The following CPB1 variants were observed in gnomAD, a reference collection of about 807,000 sequenced individuals.
The protein encoded by CPB1 is carboxypeptidase B1, also known as carboxypeptidase B.
In CPB1, 53 loss-of-function variants were observed where a neutral mutation model predicts 51.4. That is an observed-to-expected ratio of 1.03 (90% CI 0.83 to 1.30). CPB1 has a LOEUF of 1.30. CPB1 is among the 50% of genes most tolerant of loss of function. The pLI, the probability that CPB1 is intolerant of heterozygous loss-of-function variation, is 0.00. For missense variants in CPB1, 494 were observed against 516.2 expected (o/e 0.96, Z 0.42); for synonymous variants, 189 against 186.9 (o/e 1.01, Z -0.09).
rs200456954 is a variant in CPB1 at position 148,859,838 on chromosome 3, G to A, written c.1090G>A (p.Asp364Asn). The change falls in exon 11 of 11, where the codon GAC becomes AAC. Residue 364 changes from aspartate to asparagine, a missense_variant. Transcript: ENST00000282957. ...AGATCCTGCTGCTGGGGGCTCTGAC[G>A]ACTGGGCTTATGACCAAGGAATCAG... Reference protein sequence around the residue: ...TIYPAAGGSDDWAYDQGIRYS... With the variant: ...TIYPAAGGSDNWAYDQGIRYS... The A allele has an allele frequency of 1.5e-5, 25 of 1,613,470 alleles. No homozygotes were observed. The highest frequency in any genetic ancestry group is 1.7e-4 in the Middle Eastern group (1 of 6,038).
chr3:148,850,763 A>G (rs929960431), intron 9 of CPB1, among the ~76,000 whole-genome samples: 1 of 152,188 alleles, frequency 6.6e-6, no homozygotes, highest in Non-Finnish European at 1.5e-5. Context: ...CACATCACTC[A>G]TCACAGCTGT....
At chr3:148,853,730 G>A (rs1358411937) in intron 9 of CPB1, among the ~76,000 whole-genome samples, 2 of 152,154 alleles carry the variant, frequency 1.3e-5, no homozygotes, top group African/African-American at 4.8e-5. Context: ...AGTATTCCAA[G>A]GCCACAAGGA....
chr3:148,845,671 T>C, intron 9 of CPB1, 45 bp downstream of exon 9: 2 of 1,465,678 alleles, frequency 1.4e-6, no homozygotes, highest in South Asian at 1.2e-5. Flanking sequence ...ATTGAGATTT[T>C]TTAAATTCTA....
In CPB1 at chr3:148,840,678, C is replaced by T. The variant is rs147596566; in HGVS notation, c.273-8C>T. On this transcript the variant is annotated splice_polypyrimidine_tract_variant and splice_region_variant and intron_variant, in intron 3 of 10. Transcript: ENST00000282957. The stretch of plus-strand genomic sequence containing the variant: ...GTTCATAGGAACACCCACTTTGGTT[C>T]GTTGCAGGGTACTGATAAGCAACCT... 3.8e-5 allele frequency: 62 copies of T among 1,613,674 alleles called. No individual in the cohort carries two copies. The East Asian group carries it at 9.6e-4, about 25-fold the overall frequency.
At chr3:148,835,431 G>C (rs79435459) in intron 3 of CPB1, among the ~76,000 whole-genome samples, 5,262 of 152,188 alleles carry the variant, frequency 0.035, 152 homozygotes, top group Admixed American at 0.087. Context: ...CAAGTCTAGG[G>C]GTCAGGGAGG....
chr3:148,848,975 T>G (rs1433138996), intron 9 of CPB1, among the ~76,000 whole-genome samples: 1 of 152,224 alleles, frequency 6.6e-6, no homozygotes, highest in East Asian at 1.9e-4. Flanking sequence ...GAGCTTCTAA[T>G]GGCCTCATAA....
At chr3:148,854,040 C>T (rs1299777937) in intron 9 of CPB1, 1 of 152,212 alleles carries the variant, frequency 6.6e-6, no homozygotes, top group East Asian at 1.9e-4. Flanking sequence ...GAGTTCTCTG[C>T]TGTGTCGTTG....
At position 148,859,901 on chromosome 3, in the gene CPB1, T is replaced by TA; in HGVS notation, c.1154dup (p.Tyr385Ter). 6.2e-7 allele frequency: 1 copy of TA among 1,614,170 alleles called. No individual in the cohort carries two copies. Among genetic ancestry groups the TA allele is most frequent in the East Asian group, 2.2e-5 (1 of 44,886 alleles). ...FTFELRDTGR[Y>*]GFLLPESQIR... ...CTTTGAACTTCGAGATACAGGCAGA[T>TA]ATGGCTTTCTCCTTCCAGAATCCCA... is the stretch of plus-strand genomic sequence containing the variant. The change falls in exon 11 of 11, where the codon TAT becomes TAAT. Residue 385 changes from tyrosine (Y) to a stop codon, truncating the protein, a stop_gained and frameshift_variant. Transcript: ENST00000282957. LOFTEE classifies it high-confidence loss of function.
chr3:148,846,797 G>GTGTGTATATATA lies in CPB1; in HGVS notation c.981+1172_981+1173insGTGTATATATAT, dbSNP rs1364486523. 2.5e-3 allele frequency among the ~76,000 whole-genome samples: 124 copies of GTGTGTATATATA among 50,434 alleles called. 4 individuals carry two copies. The highest frequency in any genetic ancestry group is 3.9e-3 in the Non-Finnish European group (92 of 23,368). 33.1% of individuals were successfully genotyped at this position (50,434 alleles called of 152,430 possible). ...CACATATATATGTGTGTGTGCGTGTGTATATATATATATATATATATATAT... is the reference window on the plus strand; with the variant it reads ...CACATATATATGTGTGTGTGCGTGTGTGTGTATATATATATATATATATATATATATATATAT... On this transcript the variant is annotated intron_variant, in intron 9 of 10. Transcript: ENST00000282957.
At chr3:148,831,445 T>C (rs1712734494) in intron 2 of CPB1, among the ~76,000 whole-genome samples, 1 of 152,196 alleles carries the variant, frequency 6.6e-6, no homozygotes. Context: ...TACAGTCAAA[T>C]GCAATGTGAA....
chr3:148,828,877 T>C (rs1712648814), intron 2 of CPB1, among the ~76,000 whole-genome samples: 1 of 152,156 alleles, frequency 6.6e-6, no homozygotes, highest in Non-Finnish European at 1.5e-5. Flanking sequence ...GTGGAGAGTG[T>C]CATAATCACA....
intron 5 of CPB1, 127 bp from the exon 6 acceptor site, chr3:148,841,696 A>T: frequency 1.6e-6 from 1 of 637,728 alleles, no homozygotes; most frequent in Non-Finnish European, 2.8e-6. Context: ...TAATTTAATC[A>T]TGGGATCCAG....
At chr3:148,834,219 C>T (rs1212045588) in intron 2 of CPB1, among the ~76,000 whole-genome samples, 1 of 152,118 alleles carries the variant, frequency 6.6e-6, no homozygotes, top group East Asian at 1.9e-4. Flanking sequence ...TAGAAAAGAA[C>T]AGTTACAGAA....
At chr3:148,839,994 A>C (rs1015161674) in intron 3 of CPB1, among the ~76,000 whole-genome samples, 1 of 152,130 alleles carries the variant, frequency 6.6e-6, no homozygotes, top group African/African-American at 2.4e-5. Flanking sequence ...TATCACCTGG[A>C]CAATTCATTT....
chr3:148,838,180 G>T (rs1712963178), intron 3 of CPB1: 1 of 152,110 alleles, frequency 6.6e-6, no homozygotes, highest in Admixed American at 6.5e-5. Context: ...CTCAGGAGGC[G>T]GAGCTTGCAG....
chr3:148,846,839 AT>A (rs1713266063), intron 9 of CPB1, among the ~76,000 whole-genome samples: 1 of 118,310 alleles, frequency 8.5e-6, no homozygotes, highest in Non-Finnish European at 1.7e-5. Flanking sequence ...ATATATATAT[AT>A]ATGTTAGCAC....
intron 2 of CPB1, among the ~76,000 whole-genome samples, chr3:148,832,419 G>A (rs1219866421): frequency 1.3e-5 from 2 of 151,946 alleles, no homozygotes; most frequent in Non-Finnish European, 2.9e-5. Context: ...TGGAAAGCTA[G>A]CATCTTAATA....
In CPB1 at chr3:148,844,605, TGA is replaced by T. The variant is rs759130928; in HGVS notation, c.687+23_687+24del. On this transcript the variant is annotated intron_variant, in intron 7 of 10. Coordinates refer to ENST00000282957, the MANE Select transcript of CPB1 (RefSeq NM_001871.3). Reference sequence around the variant, plus strand: ...TGGACCAAGGTATATGCACCAATACTGAGAGAGGCTGATGAAATTAAAACCAA... The same window carrying T: ...TGGACCAAGGTATATGCACCAATACTGAGAGGCTGATGAAATTAAAACCAA... The T allele has an allele frequency of 1.2e-6, 2 of 1,611,496 alleles. No homozygotes were observed. The highest frequency in any genetic ancestry group is 1.7e-5 in the Admixed American group (1 of 59,982).
chr3:148,840,732 A>G lies in CPB1; in HGVS notation c.319A>G (p.Ser107Gly), dbSNP rs752779807. 2.5e-6 allele frequency: 4 copies of G among 1,614,072 alleles called. No homozygotes were observed. The Admixed American group carries it at 6.7e-5, about 27-fold the overall frequency. Residue 107 changes from serine (S) to glycine (G), a missense_variant, in exon 4 of 11, where the codon AGC (serine) becomes GGC (glycine). Ser to Gly is a moderately conservative substitution (Grantham distance 56). Transcript: ENST00000282957. ...LRNVVEAQFDSRVRATGHSYE... is the reference protein window; with the variant it reads ...LRNVVEAQFDGRVRATGHSYE... ...AAATGTGGTGGAGGCTCAGTTTGAT[A>G]GCCGGGTTCGTGCAACAGGACACAG...
Sources: allele counts gnomAD v4.1 joint callset (sites outside exome capture counted in the v4.1 genomes callset), GRCh38; gene constraint gnomAD v4.1.1; transcripts MANE v1.5; gene names NCBI Gene and HGNC (gene_info 2026-07-23, HGNC 2026-07-21).